The following NPL variants were observed in gnomAD, a reference collection of about 807,000 sequenced individuals.
NPL encodes the protein N-acetylneuraminate pyruvate lyase, also known as N-acetylneuraminate lyase.
In NPL, 32 loss-of-function variants were observed where a neutral mutation model predicts 41.1. The ratio of observed to expected loss-of-function variants is 0.78; its 90% confidence interval spans 0.59 to 1.05. The LOEUF (loss-of-function observed/expected upper bound fraction) is 1.05. NPL is among the 50% of genes least tolerant of loss of function. The probability of loss-of-function intolerance (pLI) is 0.00; values close to 1 mark genes in which losing one functional copy is unlikely to be tolerated. For synonymous variants in NPL, 128 were observed against 134.9 expected (o/e 0.95, Z 0.35); for missense variants, 321 against 378.4 (o/e 0.85, Z 1.26).
chr1:182,828,746 A>G lies in NPL; in HGVS notation c.801A>G (p.Lys267=). ...TAGGTTTTGGAGTGTCACAGACCAA[A>G]GCCATCATGACTCTGGTCTCTGGGA... The part of the protein sequence containing the change: ...VKLGFGVSQT[K]AIMTLVSGIP... The change falls in exon 13 of 13, where the codon AAA becomes AAG. Residue 267 remains lysine, a synonymous_variant. Coordinates refer to ENST00000367553, the MANE Select transcript of NPL (RefSeq NM_030769.3). This position sits in a 1 kb window ranked among gnomAD's most constrained non-coding sequence, Gnocchi z 4.0. The G allele has an allele frequency of 6.2e-7, 1 of 1,614,190 alleles. No homozygotes were observed. The highest frequency in any genetic ancestry group is 8.5e-7 in the Non-Finnish European group (1 of 1,180,030).
chr1:182,819,401 G>A (rs1224409405), intron 10 of NPL, among the ~76,000 whole-genome samples: 4 of 148,976 alleles, frequency 2.7e-5, no homozygotes, highest in South Asian at 2.2e-4. Context: ...AGCTGAGATC[G>A]CACCACTGCA....
intron 8 of NPL, 135 bp from the exon 9 acceptor site, chr1:182,818,406 C>T (rs1019693894): frequency 2.8e-6 from 3 of 1,061,266 alleles, no homozygotes; most frequent in Non-Finnish European, 2.9e-6. Context: ...AGTCAGGGAC[C>T]AGTGATTATG....
chr1:182,797,583 T>TTTCTACCACCATCTTCTTCTTTC, intron 3 of NPL, among the ~76,000 whole-genome samples: 1 of 152,312 alleles, frequency 6.6e-6, no homozygotes, highest in East Asian at 1.9e-4. Flanking sequence ...CCTCTGCCTT[T>TTTCTACCACCATCTTCTTCTTTC]TTCTACCACC....
chr1:182,816,032 A>G (rs937497796), intron 7 of NPL, among the ~76,000 whole-genome samples: 1 of 152,276 alleles, frequency 6.6e-6, no homozygotes, highest in African/African-American at 2.4e-5. Context: ...ACACATCGTA[A>G]CAGTATTAAG....
chr1:182,828,787 C>T lies in NPL; in HGVS notation c.842C>T (p.Pro281Leu), dbSNP rs1361120784. 6.2e-7 allele frequency: 1 copy of T among 1,614,104 alleles called. No individual in the cohort carries two copies. Among genetic ancestry groups the T allele is most frequent in the South Asian group, 1.1e-5 (1 of 91,078 alleles). Residue 281 changes from proline (P) to leucine (L), a missense_variant, in exon 13 of 13, where the codon CCC (proline) becomes CTC (leucine). Pro to Leu is a moderately conservative substitution (Grantham distance 98, BLOSUM62 -3). Transcript: ENST00000367553. This position sits in a 1 kb window ranked among gnomAD's most constrained non-coding sequence, Gnocchi z 4.0. ...GTCTCTGGGATTCCAATGGGCCCAC[C>T]CCGGCTTCCACTGCAGAAAGCCTCC... ...TLVSGIPMGPPRLPLQKASRE... is the reference protein window; with the variant it reads ...TLVSGIPMGPLRLPLQKASRE...
intron 1 of NPL, among the ~76,000 whole-genome samples, chr1:182,790,921 G>GC (rs1434641456): frequency 6.6e-6 from 1 of 152,202 alleles, no homozygotes; most frequent in Non-Finnish European, 1.5e-5. Flanking sequence ...GGGATTACAG[G>GC]CTTGAGCCAC....
At chr1:182,799,156 G>C (rs551058945) in intron 3 of NPL, among the ~76,000 whole-genome samples, 1 of 152,290 alleles carries the variant, frequency 6.6e-6, no homozygotes, top group South Asian at 2.1e-4. Context: ...CCCTTTTACC[G>C]TAAGAGAAGA....
chr1:182,818,568 T>C lies in NPL; in HGVS notation c.485T>C (p.Ile162Thr). 4 of 1,614,204 alleles carry C rather than the reference T, an allele frequency of 2.5e-6. No homozygotes were observed. Among genetic ancestry groups the C allele is most frequent in the Non-Finnish European group, 3.4e-6 (4 of 1,180,026 alleles). The change falls in exon 9 of 13, where the codon ATT becomes ACT. Residue 162 changes from isoleucine to threonine, a missense_variant. By Grantham distance (89) the Ile-to-Thr change is moderately conservative (BLOSUM62 -1). Coordinates refer to ENST00000367553, the MANE Select transcript of NPL (RefSeq NM_030769.3). ...CGTGCTGAGGAGTTGTTGGATGGGA[T>C]TCTGGATAAGATCCCCACCTTCCAA... ...KIRAEELLDG[I>T]LDKIPTFQGL...
At chr1:182,821,995 A>G in intron 10 of NPL, 120 bp from the exon 11 acceptor site, 1 of 744,446 alleles carries the variant, frequency 1.3e-6, no homozygotes, top group Non-Finnish European at 2.4e-6. Flanking sequence ...ATTAGGATTC[A>G]AAAACAGACT....
At chr1:182,798,474 C>T (rs186573377) in intron 3 of NPL, among the ~76,000 whole-genome samples, 31 of 152,230 alleles carry the variant, frequency 2.0e-4, no homozygotes, top group East Asian at 9.7e-4. Context: ...GTGATCCGCC[C>T]GTCTCGGCCT....
At chr1:182,800,318 C>T (rs1233172472) in intron 3 of NPL, among the ~76,000 whole-genome samples, 1 of 151,640 alleles carries the variant, frequency 6.6e-6, no homozygotes, top group Non-Finnish European at 1.5e-5. Flanking sequence ...CACCTGTAGT[C>T]CTAGCTACTG....
intron 2 of NPL, among the ~76,000 whole-genome samples, chr1:182,793,508 G>A (rs577004984): frequency 6.6e-6 from 1 of 152,294 alleles, no homozygotes; most frequent in East Asian, 1.9e-4. Context: ...AACACCTGGT[G>A]TCAAGCAGAG....
At chr1:182,815,716 C>G (rs1304912388) in intron 7 of NPL, among the ~76,000 whole-genome samples, 2 of 152,144 alleles carry the variant, frequency 1.3e-5, no homozygotes, top group Admixed American at 1.3e-4. Flanking sequence ...CAACACTCCT[C>G]CATTGGCCTC....
intron 8 of NPL, 113 bp from the exon 9 acceptor site, chr1:182,818,428 G>A: frequency 7.3e-7 from 1 of 1,363,310 alleles, no homozygotes; most frequent in South Asian, 1.2e-5. Context: ...CTAGTCTGCA[G>A]TCAGTTCTGG....
chr1:182,821,800 A>T (rs1314761035), intron 10 of NPL, among the ~76,000 whole-genome samples: 1 of 152,198 alleles, frequency 6.6e-6, no homozygotes, highest in Non-Finnish European at 1.5e-5. Context: ...CTTGTCTAGC[A>T]TTGCACCTGT....
rs147682597 is a variant in NPL, at chr1:182,816,755, C to T, written c.406C>T (p.Pro136Ser). The part of the protein sequence containing the change: ...NFLKEVAAAA[P>S]ALPFYYYHIP... ...CCTAAAGGAAGTGGCTGCTGCCGCCCCTGCCCTGCCATTTTATTACTATCA... is the reference window on the plus strand; with the variant it reads ...CCTAAAGGAAGTGGCTGCTGCCGCCTCTGCCCTGCCATTTTATTACTATCA... Residue 136 changes from proline (P) to serine (S), a missense_variant, in exon 8 of 13, where the codon CCT (proline) becomes TCT (serine). Pro to Ser is a moderately conservative substitution (Grantham distance 74, BLOSUM62 -1). Coordinates refer to ENST00000367553, the MANE Select transcript of NPL (RefSeq NM_030769.3). 1.2e-6 allele frequency: 2 copies of T among 1,613,178 alleles called. No individual in the cohort carries two copies. The highest frequency in any genetic ancestry group is 2.7e-5 in the African/African-American group (2 of 74,924).
chr1:182,792,205 T>C (rs1305263265), intron 1 of NPL, 27 bp from the exon 2 acceptor site: 1 of 152,214 alleles, frequency 6.6e-6, no homozygotes, highest in East Asian at 1.9e-4. Flanking sequence ...CCCTATGAAA[T>C]ATAATTACTA....
chr1:182,794,874 C>T lies in NPL; in HGVS notation c.68+435C>T, dbSNP rs151210706. ...GACGTCAGCATGATTCCACTTCAGG[C>T]TGTTCATAGACTTGATAAAAATGTC... is the stretch of plus-strand genomic sequence containing the variant. On this transcript the variant is annotated intron_variant, in intron 3 of 12. Coordinates refer to ENST00000367553, the MANE Select transcript of NPL (RefSeq NM_030769.3). Among the ~76,000 whole-genome samples, 128 of 152,350 alleles carry T rather than the reference C, an allele frequency of 8.4e-4. 1 individual carries two copies. The highest frequency in any genetic ancestry group is 2.9e-3 in the African/African-American group (119 of 41,588).
intron 3 of NPL, among the ~76,000 whole-genome samples, chr1:182,803,263 A>G (rs1479684485): frequency 2.0e-5 from 3 of 152,202 alleles, no homozygotes; most frequent in African/African-American, 7.2e-5. Context: ...GATGGCTCAT[A>G]CTTGTAATCC....
Sources: gnomAD v4.1 joint callset for allele counts (sites outside exome capture counted in the v4.1 genomes callset) on GRCh38, gnomAD v4.1.1 for gene constraint, Gnocchi (gnomAD v3.1) non-coding constraint, MANE v1.5 for transcripts, NCBI Gene and HGNC (gene_info 2026-07-23, HGNC 2026-07-21) for gene names.